The following ARHGAP22 variants were observed in gnomAD, a reference collection of about 807,000 sequenced individuals.
ARHGAP22 encodes rho GTPase-activating protein 22.
A neutral mutation model predicts 59.1 loss-of-function variants in ARHGAP22; 48 were observed. The ratio of observed to expected loss-of-function variants is 0.81; its 90% CI spans 0.64 to 1.03. The LOEUF (loss-of-function observed/expected upper bound fraction) is 1.03, where lower values mean the gene tolerates loss of function less well. Among genes scored for constraint, ARHGAP22 ranks in the 50% least tolerant of loss-of-function variants. The probability of loss-of-function intolerance (pLI) is 0.00; values close to 1 mark genes in which losing one functional copy is unlikely to be tolerated. For synonymous variants in ARHGAP22, 445 were observed against 416.4 expected (o/e 1.07, Z -0.84); for missense variants, 1,015 against 958.7 (o/e 1.06, Z -0.78).
chr10:48,579,782 C>T (rs1413229458), intron 2 of ARHGAP22, among the ~76,000 whole-genome samples: 2 of 151,528 alleles, frequency 1.3e-5, no homozygotes, highest in Non-Finnish European at 1.5e-5. Context: ...TGCTGACCGC[C>T]TGGGCCCCCT....
chr10:48,509,806 C>T (rs548470360), intron 3 of ARHGAP22, among the ~76,000 whole-genome samples: 23 of 152,262 alleles, frequency 1.5e-4, no homozygotes, highest in South Asian at 8.3e-4. Flanking sequence ...GCTCTGAAGA[C>T]GCCCGACGAG....
chr10:48,455,320 A>G (rs2133693758), intron 5 of ARHGAP22, among the ~76,000 whole-genome samples, 186 bp from the exon 6 acceptor site: 1 of 152,256 alleles, frequency 6.6e-6, no homozygotes. Flanking sequence ...GGAGCAGTGG[A>G]TAGAGCTGGG....
intron 3 of ARHGAP22, among the ~76,000 whole-genome samples, chr10:48,490,498 G>A (rs2050280549): frequency 6.6e-6 from 1 of 152,172 alleles, no homozygotes; most frequent in African/African-American, 2.4e-5. Flanking sequence ...GGAACAGCCA[G>A]ATCTCTATTG....
chr10:48,598,821 T>A (rs76576962), intron 1 of ARHGAP22, among the ~76,000 whole-genome samples: 2,655 of 152,292 alleles, frequency 0.017, 104 homozygotes, highest in East Asian at 0.13. Flanking sequence ...CCTCTGGGCC[T>A]TAGCACAGAG....
upstream of ARHGAP22, chr10:48,652,725 C>T (rs1290326899): frequency 1.2e-5 from 2 of 164,578 alleles, no homozygotes; most frequent in African/African-American, 4.8e-5. Context: ...TTCCAGAAAG[C>T]CTTAGAAATA....
intron 3 of ARHGAP22, among the ~76,000 whole-genome samples, chr10:48,526,215 G>A (rs1456472454): frequency 6.6e-6 from 1 of 152,210 alleles, no homozygotes; most frequent in Non-Finnish European, 1.5e-5. Context: ...GAGCAGAAGA[G>A]TTAAATAAAT....
chr10:48,583,806 A>G (rs2059262100), intron 1 of ARHGAP22, among the ~76,000 whole-genome samples: 1 of 152,068 alleles, frequency 6.6e-6, no homozygotes. Context: ...CTTCTTCTTC[A>G]GCTGTTTGCT....
chr10:48,502,879 G>C (rs1473398342), intron 3 of ARHGAP22, among the ~76,000 whole-genome samples: 1 of 152,228 alleles, frequency 6.6e-6, no homozygotes, highest in Non-Finnish European at 1.5e-5. Context: ...AGCGGAGACA[G>C]GCATTAACCA....
chr10:48,634,576 C>T (rs193138066), intron 1 of ARHGAP22, among the ~76,000 whole-genome samples: 46 of 152,220 alleles, frequency 3.0e-4, no homozygotes, highest in Non-Finnish European at 5.9e-4. Context: ...CCGCTTGGCT[C>T]CCTAGAGGGT....
At chr10:48,524,314 G>A (rs2054122088) in intron 3 of ARHGAP22, 1 of 158,438 alleles carries the variant, frequency 6.3e-6, no homozygotes, top group Admixed American at 6.5e-5. Context: ...CTAATCAATA[G>A]GAGAACGCGC....
upstream of ARHGAP22, among the ~76,000 whole-genome samples, chr10:48,653,413 G>A (rs74134008): frequency 0.015 from 2,217 of 152,346 alleles, 59 homozygotes; most frequent in African/African-American, 0.05. Flanking sequence ...GCGGGACAGC[G>A]CTTAGTGGGG....
chr10:48,446,664 G>A (rs746213287), intron 9 of ARHGAP22, 45 bp from the exon 10 acceptor site: 3 of 1,559,416 alleles, frequency 1.9e-6, no homozygotes, highest in Non-Finnish European at 1.8e-6. Context: ...TGCGGGCCAG[G>A]TTCACTGTCC....
intron 3 of ARHGAP22, among the ~76,000 whole-genome samples, chr10:48,516,748 A>G (rs1407775771): frequency 6.6e-6 from 1 of 152,204 alleles, no homozygotes; most frequent in African/African-American, 2.4e-5. Flanking sequence ...AATTCTTCCT[A>G]TGGAGCCAAT....
At chr10:48,554,486 C>A (rs1178387193) in intron 3 of ARHGAP22, among the ~76,000 whole-genome samples, 1 of 152,238 alleles carries the variant, frequency 6.6e-6, no homozygotes, top group African/African-American at 2.4e-5. Flanking sequence ...TCAGCTGACA[C>A]TCTTGGTACC....
rs376099071 is a variant in ARHGAP22, at chr10:48,515,913, C to A, written c.323-36149G>T. On this transcript the variant is annotated intron_variant, in intron 3 of 9. Coordinates refer to ENST00000249601, the MANE Select transcript of ARHGAP22 (RefSeq NM_021226.4). ...CGTGTAGTCCCAACCATTCAAAAGG[C>A]TGAGGCAGGAAGATCGCTTGAGCCC... is the stretch of plus-strand genomic sequence containing the variant. Among the ~76,000 whole-genome samples the A allele has an allele frequency of 3.9e-5, 6 of 151,914 alleles. No individual in the cohort carries two copies. In the East Asian group the frequency reaches 1.2e-3, roughly 29 times the overall value.
chr10:48,645,422 A>C (rs1565052485), intron 1 of ARHGAP22, among the ~76,000 whole-genome samples: 1 of 152,228 alleles, frequency 6.6e-6, no homozygotes, highest in Non-Finnish European at 1.5e-5. Context: ...TACACCATGA[A>C]TCAATGGGAT....
chr10:48,604,652 C>T lies in ARHGAP22; in HGVS notation c.34+111G>A. ...TGCTCACTATTCAGCGGCAATGGTCCCAGAACGCCCGCCCCATGTGACACA... is the reference window on the plus strand; with the variant it reads ...TGCTCACTATTCAGCGGCAATGGTCTCAGAACGCCCGCCCCATGTGACACA... On this transcript the variant is annotated intron_variant, in intron 1 of 9. Coordinates refer to ENST00000249601, the MANE Select transcript of ARHGAP22 (RefSeq NM_021226.4). 3 of 1,556,138 alleles carry T rather than the reference C, an allele frequency of 1.9e-6. No homozygotes were observed. The South Asian group carries it at 3.4e-5, about 18-fold the overall frequency.
chr10:48,434,926 C>T, the ARHGAP22 span: 7 of 1,613,542 alleles, frequency 4.3e-6, no homozygotes, highest in South Asian at 2.2e-5. Context: ...TCATCATCGT[C>T]GTCTGTCAAT....
rs200915333 is a variant in ARHGAP22 at position 48,611,606 on chromosome 10, A to G, written c.53-28454T>C. On this transcript the variant is annotated intron_variant, in intron 1 of 9. Coordinates refer to the ARHGAP22 transcript ENST00000435790. ...TCACCATTTTGATCAGCTTTGCACT[A>G]TTGAAAATCAAGCCTTCTACCTTGA... Among the ~76,000 whole-genome samples the G allele has an allele frequency of 5.9e-5, 9 of 152,246 alleles. No homozygotes were observed. In the East Asian group the frequency reaches 1.7e-3, roughly 29 times the overall value.
Sources: allele counts gnomAD v4.1 joint callset (sites outside exome capture counted in the v4.1 genomes callset), GRCh38; gene constraint gnomAD v4.1.1; transcripts MANE v1.5; gene names NCBI Gene and HGNC (gene_info 2026-07-23, HGNC 2026-07-21).